Variants in NIM1K observed in about 807,000 individuals in gnomAD.
The protein encoded by NIM1K is NIM1 serine/threonine protein kinase, also known as serine/threonine-protein kinase NIM1.
In NIM1K, 35 loss-of-function variants were observed where a neutral mutation model predicts 37.1. That is an observed-to-expected ratio of 0.94 (90% confidence interval 0.72 to 1.25). NIM1K has a LOEUF of 1.25. Ranked by LOEUF, NIM1K falls within the 50% of genes most tolerant of loss-of-function variation. NIM1K has a pLI of 0.00. For missense variants in NIM1K, 564 were observed against 548.0 expected (o/e 1.03, Z -0.29); for synonymous variants, 234 against 206.6 (o/e 1.13, Z -1.14).
intron 2 of NIM1K, among the ~76,000 whole-genome samples, chr5:43,269,071 G>A (rs1265833646): frequency 1.3e-5 from 2 of 152,026 alleles, no homozygotes; most frequent in Admixed American, 1.3e-4. Flanking sequence ...CACTTTGGGA[G>A]GCTGAGGCAG....
intron 1 of NIM1K, among the ~76,000 whole-genome samples, chr5:43,213,212 TCTTTC>T (rs1752238040): frequency 6.2e-5 from 4 of 64,672 alleles, no homozygotes; most frequent in African/African-American, 1.3e-4. Flanking sequence ...TTTCTTTCTT[TCTTTC>T]TTTCTTTCCT....
Position 43,241,369 on chromosome 5 carries a change from C to G in NIM1K, c.-694-3713C>G, listed in dbSNP as rs116996062. 7.2e-3 allele frequency among the ~76,000 whole-genome samples: 1,049 copies of G among 146,224 alleles called. 44 individuals are homozygous for G. The East Asian group carries it at 0.13, about 18-fold the overall frequency. ...TTTTTGAGACGGAGTCTCGCTCTGC[C>G]TTTAGGCTGGAGTGCAGTTGTGCTA... On this transcript the variant is annotated intron_variant, in intron 1 of 3. Transcript: ENST00000326035.
chr5:43,256,982 A>T lies in NIM1K; in HGVS notation c.292+10915A>T, dbSNP rs568228498. On this transcript the variant is annotated intron_variant, in intron 2 of 3. Coordinates refer to ENST00000326035, the MANE Select transcript of NIM1K (RefSeq NM_153361.4). Reference sequence around the variant, plus strand: ...TGGCTCTGTCCGAACCCAAACTAAGACGACACCCAAGTGAGCAGGGTATTT... The same window carrying T: ...TGGCTCTGTCCGAACCCAAACTAAGTCGACACCCAAGTGAGCAGGGTATTT... Among the ~76,000 whole-genome samples the T allele has an allele frequency of 2.0e-5, 3 of 152,174 alleles. No individual in the cohort carries two copies. The East Asian group carries it at 5.8e-4, about 29-fold the overall frequency.
At chr5:43,210,292 C>A (rs561089485) in intron 1 of NIM1K, among the ~76,000 whole-genome samples, 1 of 152,158 alleles carries the variant, frequency 6.6e-6, no homozygotes, top group Admixed American at 6.5e-5. Flanking sequence ...TAAAATTAAT[C>A]TCTTGTAAAA....
At chr5:43,230,015 C>A (rs144071901) in intron 1 of NIM1K, among the ~76,000 whole-genome samples, 36 of 152,016 alleles carry the variant, frequency 2.4e-4, no homozygotes, top group African/African-American at 7.7e-4. Context: ...TAAACAGATA[C>A]CAATTACATA....
intron 1 of NIM1K, among the ~76,000 whole-genome samples, chr5:43,200,498 C>T (rs373255602): frequency 5.3e-5 from 8 of 151,870 alleles, no homozygotes; most frequent in Non-Finnish European, 4.4e-5. Flanking sequence ...GACGGGGTTT[C>T]CCCGTGTTAG....
chr5:43,278,400 C>T (rs1753387351), intron 3 of NIM1K, among the ~76,000 whole-genome samples: 1 of 152,208 alleles, frequency 6.6e-6, no homozygotes. Context: ...AATCTGGACT[C>T]CTAATGCACA....
intron 2 of NIM1K, among the ~76,000 whole-genome samples, chr5:43,248,859 T>A (rs1224988288): frequency 6.6e-6 from 1 of 151,540 alleles, no homozygotes; most frequent in Non-Finnish European, 1.5e-5. Context: ...GTCTTTTTTT[T>A]TTTTAAATTA....
chr5:43,277,716 T>A (rs1276141398), intron 3 of NIM1K, among the ~76,000 whole-genome samples: 1 of 150,952 alleles, frequency 6.6e-6, no homozygotes, highest in African/African-American at 2.4e-5. Flanking sequence ...ACATTCTAAA[T>A]CCTATCCATA....
chr5:43,257,002 G>A (rs1042726712), intron 2 of NIM1K, among the ~76,000 whole-genome samples: 1 of 152,138 alleles, frequency 6.6e-6, no homozygotes, highest in South Asian at 2.1e-4. Context: ...AGTGAGCAGG[G>A]TATTTATGCA....
At chr5:43,240,629 C>T (rs912562026) in intron 1 of NIM1K, among the ~76,000 whole-genome samples, 1 of 151,298 alleles carries the variant, frequency 6.6e-6, no homozygotes, top group East Asian at 1.9e-4. Context: ...CGGCAACCTC[C>T]GCCTCCTGGG....
intron 1 of NIM1K, among the ~76,000 whole-genome samples, chr5:43,199,216 T>A (rs1472170369): frequency 0.82 from 55,888 of 68,520 alleles, 23,545 homozygotes; most frequent in Non-Finnish European, 0.86. Context: ...TATATATATA[T>A]ATATATATAT....
chr5:43,208,981 A>T (rs958112074), intron 1 of NIM1K, among the ~76,000 whole-genome samples: 12 of 152,258 alleles, frequency 7.9e-5, no homozygotes, highest in African/African-American at 2.9e-4. Flanking sequence ...GTACATTTCC[A>T]GAACTACTTG....
chr5:43,204,473 G>A (rs913642908), intron 1 of NIM1K, among the ~76,000 whole-genome samples: 16 of 151,410 alleles, frequency 1.1e-4, no homozygotes, highest in Non-Finnish European at 2.2e-4. Flanking sequence ...AGGCCGAGGC[G>A]GGTGGATCAC....
rs1753432577 is a variant in NIM1K, at chr5:43,280,816, G to T, written c.*87G>T. ...GGACAACTTGAGTGGAGACATTTTT[G>T]TAATTTTTAAATAAACTTAAATTTG... On this transcript the variant is annotated 3_prime_UTR_variant, in exon 4 of 4. Transcript: ENST00000326035. 1.8e-5 allele frequency: 23 copies of T among 1,255,826 alleles called. No homozygotes were observed. The South Asian group carries it at 4.1e-4, about 22-fold the overall frequency. 77.8% of individuals were successfully genotyped at this position (1,255,826 alleles called of 1,614,324 possible).
At chr5:43,271,711 CTA>C (rs1753259525) in intron 2 of NIM1K, among the ~76,000 whole-genome samples, 1 of 152,114 alleles carries the variant, frequency 6.6e-6, no homozygotes, top group Admixed American at 6.5e-5. Context: ...TATTTTAACT[CTA>C]TGGAATGTTA....
intron 1 of NIM1K, among the ~76,000 whole-genome samples, chr5:43,244,459 C>A (rs1397623085): frequency 2.6e-5 from 4 of 152,138 alleles, no homozygotes; most frequent in African/African-American, 9.7e-5. Context: ...AAAAACATCC[C>A]GATGACATCG....
intron 2 of NIM1K, among the ~76,000 whole-genome samples, chr5:43,263,792 A>G (rs754261101): frequency 2.0e-5 from 3 of 152,146 alleles, no homozygotes; most frequent in Non-Finnish European, 1.5e-5. Context: ...ACTGCTTTAC[A>G]TGTATCCCAG....
At chr5:43,193,418 C>CT (rs1178633757) in intron 1 of NIM1K, 1 of 150,438 alleles carries the variant, frequency 6.6e-6, no homozygotes, top group African/African-American at 2.5e-5. Context: ...TTTCGTCCTC[C>CT]TGAGTACAGT....
Sources: allele counts gnomAD v4.1 joint callset (sites outside exome capture counted in the v4.1 genomes callset), GRCh38; gene constraint gnomAD v4.1.1; transcripts MANE v1.5; gene names NCBI Gene and HGNC (gene_info 2026-07-23, HGNC 2026-07-21).